ADAMTSL3: variants seen among roughly 807,000 people sequenced by gnomAD.
The protein encoded by ADAMTSL3 is ADAMTS like 3, also known as ADAMTS-like protein 3.
A neutral mutation model predicts 201.7 loss-of-function variants in ADAMTSL3; 128 were observed. The ratio of observed to expected loss-of-function variants is 0.63; its 90% confidence interval spans 0.55 to 0.73. The LOEUF (loss-of-function observed/expected upper bound fraction) is 0.73. ADAMTSL3 is among the 30% of genes least tolerant of loss of function. ADAMTSL3 has a pLI of 0.00. For missense variants in ADAMTSL3, 1,990 were observed against 2,119.6 expected (o/e 0.94, Z 1.20); for synonymous variants, 738 against 748.4 (o/e 0.99, Z 0.23).
intron 2 of ADAMTSL3, among the ~76,000 whole-genome samples, chr15:83,700,645 TC>T (rs566452102): frequency 1.3e-5 from 2 of 152,226 alleles, no homozygotes; most frequent in South Asian, 2.1e-4. Flanking sequence ...GCACTTGTAA[TC>T]CCAGCTACTA....
intron 3 of ADAMTSL3, chr15:83,739,742 C>G (rs1188066673): frequency 2.3e-6 from 1 of 439,630 alleles, no homozygotes; most frequent in Non-Finnish European, 4.6e-6. Flanking sequence ...GTCACCAGCC[C>G]TTCACCTCCT....
At chr15:83,997,510 A>G (rs1261657594) in intron 23 of ADAMTSL3, among the ~76,000 whole-genome samples, 2 of 152,082 alleles carry the variant, frequency 1.3e-5, no homozygotes, top group Non-Finnish European at 2.9e-5. Context: ...AATCGCTTGA[A>G]CCTGGGAGGC....
At chr15:83,669,591 C>T (rs1287788517) in intron 2 of ADAMTSL3, among the ~76,000 whole-genome samples, 3 of 148,420 alleles carry the variant, frequency 2.0e-5, no homozygotes, top group Admixed American at 1.4e-4. Flanking sequence ...CCTCAGCCTC[C>T]TGAGTAGCTG....
intron 6 of ADAMTSL3, among the ~76,000 whole-genome samples, chr15:83,830,468 G>T (rs1205304318): frequency 6.6e-6 from 1 of 152,172 alleles, no homozygotes; most frequent in Admixed American, 6.5e-5. Context: ...CATTTAAGAA[G>T]GCCGGTTAGC....
chr15:83,704,895 T>C (rs9635452), intron 3 of ADAMTSL3, among the ~76,000 whole-genome samples: 1 of 152,154 alleles, frequency 6.6e-6, no homozygotes, highest in African/African-American at 2.4e-5. Flanking sequence ...CAATGTTGCA[T>C]GCTTTTTTCC....
intron 23 of ADAMTSL3, among the ~76,000 whole-genome samples, chr15:83,995,485 G>T (rs2067670824): frequency 6.6e-6 from 1 of 152,070 alleles, no homozygotes; most frequent in African/African-American, 2.4e-5. Flanking sequence ...AACATACGAT[G>T]CCCTTTATCA....
intron 23 of ADAMTSL3, among the ~76,000 whole-genome samples, chr15:83,995,392 T>C (rs2067669231): frequency 6.6e-6 from 1 of 152,224 alleles, no homozygotes; most frequent in African/African-American, 2.4e-5. Context: ...ATCTCTACCT[T>C]GATTTGCCTG....
At chr15:83,980,073 A>G (rs544573861) in intron 20 of ADAMTSL3, among the ~76,000 whole-genome samples, 7 of 152,208 alleles carry the variant, frequency 4.6e-5, no homozygotes, top group African/African-American at 1.7e-4. Flanking sequence ...ACAAATAGCA[A>G]AATTTGAGAG....
At chr15:83,882,080 C>T (rs991282099) in intron 9 of ADAMTSL3, among the ~76,000 whole-genome samples, 8 of 151,352 alleles carry the variant, frequency 5.3e-5, no homozygotes, top group African/African-American at 1.2e-4. Flanking sequence ...GGTGTGAACC[C>T]GGGAGGCAGA....
rs572619950 is a variant in ADAMTSL3 at position 83,876,966 on chromosome 15, G to A, written c.960+6007G>A. On this transcript the variant is annotated intron_variant, in intron 9 of 29. Coordinates refer to ENST00000286744, the MANE Select transcript of ADAMTSL3 (RefSeq NM_207517.3). ...TGCCACCACACCCAGCAAGTTTTCT[G>A]TATTTTTAGTAGAGACAGGGTTTCA... Among the ~76,000 whole-genome samples the A allele has an allele frequency of 4.6e-5, 7 of 152,230 alleles. No homozygotes were observed. In the South Asian group the frequency reaches 1.5e-3, roughly 32 times the overall value.
At chr15:83,980,371 G>A (rs2067364817) in intron 20 of ADAMTSL3, among the ~76,000 whole-genome samples, 1 of 152,142 alleles carries the variant, frequency 6.6e-6, no homozygotes, top group Non-Finnish European at 1.5e-5. Context: ...TGAAGATTTA[G>A]TATTTTGAAC....
intron 7 of ADAMTSL3, among the ~76,000 whole-genome samples, chr15:83,856,399 A>G (rs1247671946): frequency 3.3e-5 from 5 of 151,342 alleles, no homozygotes; most frequent in African/African-American, 1.2e-4. Flanking sequence ...CTGGTCTCGA[A>G]CTCCTGGGCT....
chr15:83,945,332 G>C (rs766323610), intron 19 of ADAMTSL3, among the ~76,000 whole-genome samples: 2 of 152,304 alleles, frequency 1.3e-5, no homozygotes, highest in East Asian at 1.9e-4. Context: ...ACTGATCCAG[G>C]TGAGACCACC....
intron 9 of ADAMTSL3, among the ~76,000 whole-genome samples, chr15:83,882,055 C>G (rs2065282898): frequency 6.6e-6 from 1 of 151,874 alleles, no homozygotes; most frequent in South Asian, 2.1e-4. Context: ...ACTTGGGAGG[C>G]TGAGACAGGA....
intron 17 of ADAMTSL3, among the ~76,000 whole-genome samples, chr15:83,932,499 A>G (rs2066377285): frequency 6.6e-6 from 1 of 152,174 alleles, no homozygotes; most frequent in African/African-American, 2.4e-5. Context: ...ATACAAAGCC[A>G]GGGTCTACCT....
intron 8 of ADAMTSL3, chr15:83,862,990 C>T (rs1168989499): frequency 6.6e-6 from 1 of 152,074 alleles, no homozygotes; most frequent in Non-Finnish European, 1.5e-5. Context: ...ATAAAACAGA[C>T]TTTAAACCAA....
chr15:83,904,193 A>G (rs1165520584), intron 15 of ADAMTSL3, among the ~76,000 whole-genome samples: 2 of 151,030 alleles, frequency 1.3e-5, no homozygotes, highest in Admixed American at 6.6e-5. Context: ...ACCTTCTGCC[A>G]TCTCTCCCTC....
intron 23 of ADAMTSL3, among the ~76,000 whole-genome samples, chr15:83,996,780 CAAAAAAA>C (rs35758954): frequency 1.5e-4 from 5 of 33,836 alleles, no homozygotes; most frequent in South Asian, 1.5e-3. Flanking sequence ...GACTCTGCCT[CAAAAAAA>C]AAAAAAAAAA....
intron 2 of ADAMTSL3, among the ~76,000 whole-genome samples, chr15:83,662,757 G>A (rs896795277): frequency 6.6e-6 from 1 of 152,102 alleles, no homozygotes; most frequent in African/African-American, 2.4e-5. Context: ...GGTGTGGTGG[G>A]CACTGGTTCT....
Sources: allele counts gnomAD v4.1 joint callset (sites outside exome capture counted in the v4.1 genomes callset), GRCh38; gene constraint gnomAD v4.1.1; transcripts MANE v1.5; gene names NCBI Gene and HGNC (gene_info 2026-07-23, HGNC 2026-07-21).